Variants in GRB2 observed in about 807,000 individuals in gnomAD.
The protein encoded by GRB2 is growth factor receptor-bound protein 2.
GRB2 carries 2 observed loss-of-function variants against 27.4 expected under a neutral mutation model. The ratio of observed to expected loss-of-function variants is 0.07; its 90% CI spans 0.03 to 0.23. The LOEUF (loss-of-function observed/expected upper bound fraction) is 0.23, where lower values mean the gene tolerates loss of function less well. Among genes scored for constraint, GRB2 ranks in the 10% least tolerant of loss-of-function variants. The probability of loss-of-function intolerance (pLI) is 1.00; values close to 1 mark genes in which losing one functional copy is unlikely to be tolerated. For missense variants in GRB2, 102 were observed against 282.4 expected (o/e 0.36, Z 4.58); for synonymous variants, 94 against 99.6 (o/e 0.94, Z 0.33).
At chr17:75,374,702 G>A (rs1378570600) in intron 2 of GRB2, among the ~76,000 whole-genome samples, 1 of 151,850 alleles carries the variant, frequency 6.6e-6, no homozygotes, top group African/African-American at 2.4e-5. Flanking sequence ...TGGGAAGATC[G>A]CTGGAGCCCA....
chr17:75,343,633 A>G (rs1189297567), intron 2 of GRB2, among the ~76,000 whole-genome samples: 1 of 152,164 alleles, frequency 6.6e-6, no homozygotes, highest in Admixed American at 6.6e-5. Context: ...CACTTATGTG[A>G]TATTACTCCA....
At chr17:75,343,011 T>C (rs962926601) in intron 2 of GRB2, among the ~76,000 whole-genome samples, 5 of 122,406 alleles carry the variant, frequency 4.1e-5, no homozygotes, top group African/African-American at 6.0e-5. Flanking sequence ...GATTGCACCA[T>C]TGCACTCCGG....
chr17:75,346,576 G>GT (rs2078656284), intron 2 of GRB2, among the ~76,000 whole-genome samples: 1 of 97,118 alleles, frequency 1.0e-5, no homozygotes, highest in African/African-American at 3.7e-5. Context: ...TGCTTTTCTT[G>GT]CCTTTTTTTT....
At chr17:75,377,644 C>A (rs1045943985) in intron 2 of GRB2, among the ~76,000 whole-genome samples, 2 of 146,300 alleles carry the variant, frequency 1.4e-5, no homozygotes, top group South Asian at 2.2e-4. Flanking sequence ...TGGTAGTTCA[C>A]GCCTGTAATC....
At chr17:75,392,783 T>C (rs755298246) in intron 2 of GRB2, among the ~76,000 whole-genome samples, 17 of 152,182 alleles carry the variant, frequency 1.1e-4, no homozygotes, top group Non-Finnish European at 2.2e-4. Flanking sequence ...CTACAGTCAA[T>C]TGGGTAAACA....
intron 2 of GRB2, among the ~76,000 whole-genome samples, chr17:75,337,493 CAA>C (rs1014095786): frequency 6.6e-6 from 1 of 151,692 alleles, no homozygotes; most frequent in African/African-American, 2.4e-5. Context: ...GCTGCACCTA[CAA>C]AGATTGTTTC....
At chr17:75,356,441 G>C (rs911962863) in intron 2 of GRB2, among the ~76,000 whole-genome samples, 2 of 152,124 alleles carry the variant, frequency 1.3e-5, no homozygotes, top group African/African-American at 2.4e-5. Flanking sequence ...CCAGGAGGTC[G>C]AGGCTGCAAT....
intron 2 of GRB2, among the ~76,000 whole-genome samples, chr17:75,384,458 C>T (rs1030714594): frequency 1.3e-5 from 2 of 151,898 alleles, no homozygotes; most frequent in South Asian, 2.1e-4. Flanking sequence ...CGCCTGAGGT[C>T]GGGAGTTTGA....
At chr17:75,380,674 A>G (rs2078922507) in intron 2 of GRB2, among the ~76,000 whole-genome samples, 1 of 152,236 alleles carries the variant, frequency 6.6e-6, no homozygotes, top group South Asian at 2.1e-4. Flanking sequence ...GACAAATTAA[A>G]TTATGAATAC....
At chr17:75,372,953 A>G (rs2145856262) in intron 2 of GRB2, 1 of 152,314 alleles carries the variant, frequency 6.6e-6, no homozygotes, top group South Asian at 2.1e-4. Flanking sequence ...AAAAGAACAG[A>G]TATTTGGCTG....
chr17:75,385,539 A>G (rs2078958571), intron 2 of GRB2, among the ~76,000 whole-genome samples: 1 of 152,216 alleles, frequency 6.6e-6, no homozygotes, highest in African/African-American at 2.4e-5. Context: ...CTCCATCTCG[A>G]AAATAAAAAA....
chr17:75,390,046 G>C (rs1452037002), intron 2 of GRB2, among the ~76,000 whole-genome samples: 1 of 152,170 alleles, frequency 6.6e-6, no homozygotes, highest in Admixed American at 6.5e-5. Context: ...TGGCTCAAGA[G>C]ATGCTCAGTC....
chr17:75,340,092 T>G (rs1286889573), intron 2 of GRB2, among the ~76,000 whole-genome samples: 3 of 152,204 alleles, frequency 2.0e-5, no homozygotes, highest in Admixed American at 1.3e-4. Flanking sequence ...ATAATTTTTT[T>G]TAAAAGAAAT....
At chr17:75,393,480 A>T in intron 2 of GRB2, 71 bp downstream of exon 2, 1 of 1,148,702 alleles carries the variant, frequency 8.7e-7, no homozygotes, top group Non-Finnish European at 1.3e-6. Flanking sequence ...CTTTGTGTGT[A>T]ATCAGGGCGA....
At chr17:75,369,815 G>A (rs1410589280) in intron 2 of GRB2, among the ~76,000 whole-genome samples, 4 of 151,320 alleles carry the variant, frequency 2.6e-5, no homozygotes, top group African/African-American at 9.7e-5. Flanking sequence ...AGCCAAGATC[G>A]TGCCACTGCA....
At chr17:75,333,372 G>GTA (rs1231368528) in intron 2 of GRB2, among the ~76,000 whole-genome samples, 1 of 152,078 alleles carries the variant, frequency 6.6e-6, no homozygotes, top group Non-Finnish European at 1.5e-5. Flanking sequence ...CACTGTGCCC[G>GTA]GCCAGTTTTT....
chr17:75,340,312 GT>G (rs1243577303), intron 2 of GRB2, among the ~76,000 whole-genome samples: 1 of 152,194 alleles, frequency 6.6e-6, no homozygotes, highest in Non-Finnish European at 1.5e-5. Context: ...ACCATTTATA[GT>G]TGGTCCCTGC....
intron 2 of GRB2, among the ~76,000 whole-genome samples, chr17:75,363,092 A>C (rs1329106905): frequency 6.6e-6 from 1 of 152,146 alleles, no homozygotes. Context: ...CATATTTCAT[A>C]ATCTATTCCT....
intron 3 of GRB2, among the ~76,000 whole-genome samples, chr17:75,330,215 C>G (rs534779921): frequency 1.3e-5 from 2 of 151,862 alleles, no homozygotes; most frequent in Non-Finnish European, 2.9e-5. Flanking sequence ...AACCCCATCT[C>G]TACTAAAAAT....
Sources: gnomAD v4.1 joint callset for allele counts (sites outside exome capture counted in the v4.1 genomes callset) on GRCh38, gnomAD v4.1.1 for gene constraint, MANE v1.5 for transcripts, NCBI Gene and HGNC (gene_info 2026-07-23, HGNC 2026-07-21) for gene names.